Variants in AGBL1 observed in about 807,000 individuals in gnomAD.
AGBL1 encodes the protein cytosolic carboxypeptidase 4.
AGBL1 carries 130 observed loss-of-function variants against 118.9 expected under a neutral mutation model. The ratio of observed to expected loss-of-function variants is 1.09; its 90% CI spans 0.95 to 1.26. The LOEUF (loss-of-function observed/expected upper bound fraction) is 1.26. Among genes scored for constraint, AGBL1 ranks in the 50% most tolerant of loss-of-function variants. The probability of loss-of-function intolerance (pLI) is 0.00; values close to 1 mark genes in which losing one functional copy is unlikely to be tolerated. For missense variants in AGBL1, 1,584 were observed against 1,298.1 expected (o/e 1.22, Z -3.38); for synonymous variants, 555 against 478.9 (o/e 1.16, Z -2.08).
intron 19 of AGBL1, among the ~76,000 whole-genome samples, chr15:86,532,317 C>T (rs1002103141): frequency 2.0e-5 from 3 of 151,816 alleles, no homozygotes; most frequent in African/African-American, 7.3e-5. Flanking sequence ...ACACCAACAA[C>T]AGACAAACAG....
chr15:86,927,935 C>T (rs1454951951), intron 23 of AGBL1, among the ~76,000 whole-genome samples: 2 of 150,536 alleles, frequency 1.3e-5, no homozygotes, highest in Non-Finnish European at 1.5e-5. Context: ...TTTATATATG[C>T]ATATATATAT....
At chr15:86,850,636 T>A (rs2079395713) in intron 22 of AGBL1, among the ~76,000 whole-genome samples, 2 of 152,212 alleles carry the variant, frequency 1.3e-5, no homozygotes. Flanking sequence ...GAATCATTAT[T>A]GATAGGGTTA....
intron 23 of AGBL1, chr15:86,987,890 C>T: frequency 2.1e-6 from 3 of 1,436,604 alleles, no homozygotes; most frequent in South Asian, 3.0e-5. Context: ...TTGTTTTTCC[C>T]ACTCAATAAT....
At chr15:86,295,687 A>G (rs1003954771) in intron 17 of AGBL1, 2 of 248,184 alleles carry the variant, frequency 8.1e-6, no homozygotes, top group Admixed American at 9.8e-5. Flanking sequence ...AAACAGAACC[A>G]GGACCCTGAA....
At chr15:86,094,979 A>T (rs1018733185) in intron 1 of AGBL1, among the ~76,000 whole-genome samples, 4 of 152,224 alleles carry the variant, frequency 2.6e-5, no homozygotes, top group Non-Finnish European at 5.9e-5. Context: ...CTTCATAGCC[A>T]GGGAGTTCCC....
intron 21 of AGBL1, among the ~76,000 whole-genome samples, chr15:86,588,433 G>C (rs8037468): frequency 0.12 from 18,739 of 152,088 alleles, 2,368 homozygotes; most frequent in African/African-American, 0.33. Flanking sequence ...AAGAAAACTT[G>C]CAGCAGTAAC....
intron 17 of AGBL1, among the ~76,000 whole-genome samples, chr15:86,360,908 A>G (rs1281165379): frequency 1.3e-5 from 2 of 152,028 alleles, no homozygotes; most frequent in East Asian, 1.9e-4. Context: ...TGGATTTTGC[A>G]TATTTTTTCA....
chr15:86,899,883 T>C (rs2080186807), intron 22 of AGBL1, among the ~76,000 whole-genome samples: 1 of 152,146 alleles, frequency 6.6e-6, no homozygotes, highest in Non-Finnish European at 1.5e-5. Flanking sequence ...GATTAACATT[T>C]GAGTCAGTGG....
chr15:86,427,885 T>G (rs764503788), intron 18 of AGBL1, among the ~76,000 whole-genome samples: 1 of 152,200 alleles, frequency 6.6e-6, no homozygotes, highest in Non-Finnish European at 1.5e-5. Context: ...GTGAACATGA[T>G]AGAAGTTTGC....
chr15:86,954,820 T>C lies in AGBL1; in HGVS notation c.3222-33167T>C, dbSNP rs185395466. On this transcript the variant is annotated intron_variant, in intron 23 of 24. Coordinates refer to the AGBL1 transcript ENST00000441037. The stretch of plus-strand genomic sequence containing the variant: ...ACATAAACACTGAAATTTAAAAAAA[T>C]GTTCCATCTGTTATTCTGCTTCTCT... Among the ~76,000 whole-genome samples, 27 of 152,302 alleles carry C rather than the reference T, an allele frequency of 1.8e-4. No homozygotes were observed. The East Asian group carries it at 4.6e-3, about 26-fold the overall frequency.
chr15:86,265,928 C>G (rs1489325438), intron 11 of AGBL1, among the ~76,000 whole-genome samples: 1 of 152,128 alleles, frequency 6.6e-6, no homozygotes. Flanking sequence ...AGACAGAGCC[C>G]AAGGAATATA....
intron 16 of AGBL1, among the ~76,000 whole-genome samples, chr15:86,294,169 G>C (rs2079594144): frequency 6.6e-6 from 1 of 152,062 alleles, no homozygotes; most frequent in Non-Finnish European, 1.5e-5. Flanking sequence ...AGGCCAAGCA[G>C]CGTGGATCAC....
intron 22 of AGBL1, among the ~76,000 whole-genome samples, chr15:86,853,997 C>A (rs1484119674): frequency 1.3e-5 from 2 of 152,074 alleles, no homozygotes; most frequent in African/African-American, 4.8e-5. Context: ...GTGGAAAGGA[C>A]AGCAATTTTT....
rs540715456 is a variant in AGBL1, at chr15:86,388,862, G to A, written c.2375-8504G>A. 5.9e-5 allele frequency among the ~76,000 whole-genome samples: 9 copies of A among 152,208 alleles called. No homozygotes were observed. In the South Asian group the frequency reaches 1.5e-3, roughly 25 times the overall value. On this transcript the variant is annotated intron_variant, in intron 17 of 22. Transcript: ENST00000614907. The stretch of plus-strand genomic sequence containing the variant: ...CCAAAGGAATAATACAGGTGAAAAC[G>A]CCTTCTCTGCTGCAAGGTGCTATAA...
chr15:86,399,235 A>G (rs1227442644), intron 18 of AGBL1, among the ~76,000 whole-genome samples: 3 of 152,132 alleles, frequency 2.0e-5, no homozygotes, highest in Non-Finnish European at 4.4e-5. Context: ...GACTCTTGCT[A>G]TGTGTTCCTT....
chr15:86,305,288 T>A (rs557891703), intron 17 of AGBL1, among the ~76,000 whole-genome samples: 1 of 152,316 alleles, frequency 6.6e-6, no homozygotes, highest in South Asian at 2.1e-4. Context: ...TGTTCATGGA[T>A]ATTTACATGT....
chr15:86,784,801 C>T (rs910380972), intron 22 of AGBL1, among the ~76,000 whole-genome samples: 1 of 152,114 alleles, frequency 6.6e-6, no homozygotes. Context: ...CGAGTTCCTA[C>T]AAGGCATTAG....
intron 23 of AGBL1, among the ~76,000 whole-genome samples, chr15:86,959,342 G>C (rs953742054): frequency 6.6e-6 from 1 of 152,098 alleles, no homozygotes; most frequent in African/African-American, 2.4e-5. Context: ...TCAACATCCA[G>C]TTCTGTACCT....
chr15:86,220,847 A>G (rs935405271), intron 5 of AGBL1, among the ~76,000 whole-genome samples: 4 of 152,076 alleles, frequency 2.6e-5, no homozygotes, highest in Non-Finnish European at 5.9e-5. Context: ...AGCTCAAACA[A>G]TGGGGGATGA....
Sources: allele counts gnomAD v4.1 joint callset (sites outside exome capture counted in the v4.1 genomes callset), GRCh38; gene constraint gnomAD v4.1.1; transcripts MANE v1.5; gene names NCBI Gene and HGNC (gene_info 2026-07-23, HGNC 2026-07-21).